Variants in HS1BP3 observed in about 807,000 individuals in gnomAD.
HS1BP3 encodes the protein HCLS1 binding protein 3, also known as HCLS1-binding protein 3.
HS1BP3 carries 32 observed loss-of-function variants against 33.5 expected under a neutral mutation model. The observed-to-expected ratio is 0.95, with a 90% CI of 0.72 to 1.28. The LOEUF (loss-of-function observed/expected upper bound fraction) is 1.28. HS1BP3 is among the 50% of genes most tolerant of loss of function. The probability of loss-of-function intolerance (pLI) is 0.00; values close to 1 mark genes in which losing one functional copy is unlikely to be tolerated. For missense variants in HS1BP3, 486 were observed against 502.3 expected (o/e 0.97, Z 0.31); for synonymous variants, 187 against 209.2 (o/e 0.89, Z 0.92).
At chr2:20,556,936 C>T (rs1194689554), downstream of HS1BP3, among the ~76,000 whole-genome samples, 2 of 152,160 alleles carry the variant, frequency 1.3e-5, no homozygotes, top group Admixed American at 6.5e-5. Context: ...CTGTGCAGCC[C>T]GCAGCTGGGA....
intron 5 of HS1BP3, among the ~76,000 whole-genome samples, chr2:20,561,387 A>G (rs1250910118): frequency 2.0e-5 from 3 of 152,216 alleles, no homozygotes. Context: ...ATGGGTTAAT[A>G]GACAAAAGAG....
At position 20,587,230 on chromosome 2, in the gene HS1BP3, G is replaced by C. The variant is rs542605260; in HGVS notation, c.303-26715C>G. On this transcript the variant is annotated intron_variant, in intron 5 of 5. Coordinates refer to the HS1BP3 transcript ENST00000446825. ...CGATCATAGGACACAGTCATTTAAA[G>C]TGGTCTTTTTGAAGAATGTTTATGC... 2.0e-5 allele frequency among the ~76,000 whole-genome samples: 3 copies of C among 152,306 alleles called. No individual in the cohort carries two copies. The East Asian group carries it at 5.8e-4, about 29-fold the overall frequency.
chr2:20,626,235 G>A (rs1432029886), intron 4 of HS1BP3, among the ~76,000 whole-genome samples: 1 of 152,230 alleles, frequency 6.6e-6, no homozygotes, highest in African/African-American at 2.4e-5. Flanking sequence ...TGGAGTCTGA[G>A]GTCTGGCAGA....
chr2:20,648,452 A>G (rs960361334), intron 1 of HS1BP3, among the ~76,000 whole-genome samples: 9 of 152,202 alleles, frequency 5.9e-5, no homozygotes, highest in African/African-American at 2.2e-4. Context: ...ACTTGTCAGC[A>G]GCAGTGGGCA....
chr2:20,566,429 C>A (rs1693129611), intron 5 of HS1BP3, among the ~76,000 whole-genome samples: 1 of 152,180 alleles, frequency 6.6e-6, no homozygotes, highest in African/African-American at 2.4e-5. Context: ...GTCCAAAGCC[C>A]TCAGAGTCAC....
chr2:20,578,824 T>C (rs1455565819), intron 5 of HS1BP3, among the ~76,000 whole-genome samples: 2 of 152,180 alleles, frequency 1.3e-5, no homozygotes, highest in Non-Finnish European at 1.5e-5. Flanking sequence ...CCTGGGTGTG[T>C]AGCTGTGACT....
chr2:20,638,465 C>T lies in HS1BP3; in HGVS notation c.594G>A (p.Glu198=). ...TAATGCCCAGAGGGTCCAGCGCCTC[C>T]TCCTCCTCCAAGGATTCCTCAGCAT... ...GEDAEESLEE[E]EALDPLGIMR... Residue 198 remains glutamate, a synonymous_variant, in exon 4 of 7, where the codon GAG becomes GAA. Coordinates refer to ENST00000304031, the MANE Select transcript of HS1BP3 (RefSeq NM_022460.4). 6.2e-7 allele frequency: 1 copy of T among 1,614,134 alleles called. No individual in the cohort carries two copies. The highest frequency in any genetic ancestry group is 8.5e-7 in the Non-Finnish European group (1 of 1,179,934).
chr2:20,641,263 G>T, intron 2 of HS1BP3, 83 bp from the exon 3 acceptor site: 1 of 1,269,272 alleles, frequency 7.9e-7, no homozygotes, highest in Non-Finnish European at 1.1e-6. Flanking sequence ...GGTTCCCAAG[G>T]CCCAGCAGCC....
chr2:20,601,880 G>A (rs1023533726), intron 2 of HS1BP3, among the ~76,000 whole-genome samples: 6 of 137,742 alleles, frequency 4.4e-5, no homozygotes, highest in Admixed American at 8.5e-5. Flanking sequence ...CCAGGTTCAC[G>A]CCATTCTCAT....
At chr2:20,597,943 G>A (rs1693980899) in intron 3 of HS1BP3, among the ~76,000 whole-genome samples, 1 of 152,150 alleles carries the variant, frequency 6.6e-6, no homozygotes, top group South Asian at 2.1e-4. Flanking sequence ...CCCTGCCTCA[G>A]TGCCTAGAGC....
downstream of HS1BP3, among the ~76,000 whole-genome samples, chr2:20,616,958 T>A (rs60541580): frequency 0.24 from 36,008 of 152,002 alleles, 5,063 homozygotes; most frequent in Non-Finnish European, 0.32. Context: ...TTTGTGATGG[T>A]GTCCAGAGAG....
At chr2:20,582,480 AAG>A (rs1693557943) in intron 5 of HS1BP3, among the ~76,000 whole-genome samples, 1 of 152,102 alleles carries the variant, frequency 6.6e-6, no homozygotes, top group African/African-American at 2.4e-5. Flanking sequence ...AGCAGGCTCT[AAG>A]AGTGCCCTGC....
At chr2:20,595,782 G>A (rs1045476073) in intron 3 of HS1BP3, among the ~76,000 whole-genome samples, 1 of 152,264 alleles carries the variant, frequency 6.6e-6, no homozygotes, top group African/African-American at 2.4e-5. Flanking sequence ...GGGCAGGGAA[G>A]TGGGCAGAGG....
intron 2 of HS1BP3, among the ~76,000 whole-genome samples, chr2:20,603,995 C>G (rs1328090082): frequency 6.6e-6 from 1 of 152,226 alleles, no homozygotes; most frequent in East Asian, 1.9e-4. Context: ...GGAGCCCAGT[C>G]CGCTGCTTCC....
At chr2:20,565,937 G>T (rs1693115809) in intron 5 of HS1BP3, among the ~76,000 whole-genome samples, 1 of 152,232 alleles carries the variant, frequency 6.6e-6, no homozygotes, top group South Asian at 2.1e-4. Flanking sequence ...CATCATTCAT[G>T]GCTGAGCGCT....
At position 20,627,779 on chromosome 2, in the gene HS1BP3, T is replaced by C. The variant is rs1339087925; in HGVS notation, c.624-2887A>G. ...GGAATCAAGGAAGAAGCAGGAAATA[T>C]GGAGTTTTGGTGCCTAAAAGCCCCA... On this transcript the variant is annotated intron_variant, in intron 4 of 6. Transcript: ENST00000304031. Among the ~76,000 whole-genome samples, 6 of 152,192 alleles carry C rather than the reference T, an allele frequency of 3.9e-5. No individual in the cohort carries two copies. The South Asian group carries it at 1.0e-3, about 26-fold the overall frequency.
chr2:20,585,184 A>G (rs955194659), intron 5 of HS1BP3, among the ~76,000 whole-genome samples: 1 of 152,150 alleles, frequency 6.6e-6, no homozygotes, highest in Non-Finnish European at 1.5e-5. Context: ...TGACAAGTCG[A>G]TGGTTCTCCT....
chr2:20,602,561 G>A (rs76596810), intron 2 of HS1BP3, among the ~76,000 whole-genome samples: 8,909 of 150,646 alleles, frequency 0.059, 293 homozygotes, highest in African/African-American at 0.081. Flanking sequence ...AACATCAATA[G>A]CTCTTTAACA....
chr2:20,631,890 C>A lies in HS1BP3; in HGVS notation c.623+6546G>T, dbSNP rs1483976569. ...ATACACAAAGGGACAATGGCCAGGCCACATGTAAAGGTGGAACTCTGACCC... is the reference window on the plus strand; with the variant it reads ...ATACACAAAGGGACAATGGCCAGGCAACATGTAAAGGTGGAACTCTGACCC... On this transcript the variant is annotated intron_variant, in intron 4 of 6. Transcript: ENST00000304031. Among the ~76,000 whole-genome samples the A allele has an allele frequency of 9.8e-5, 15 of 152,326 alleles. No homozygotes were observed. The East Asian group carries it at 2.9e-3, about 29-fold the overall frequency.
Sources: gnomAD v4.1 joint callset for allele counts (sites outside exome capture counted in the v4.1 genomes callset) on GRCh38, gnomAD v4.1.1 for gene constraint, MANE v1.5 for transcripts, NCBI Gene and HGNC (gene_info 2026-07-23, HGNC 2026-07-21) for gene names.